CFAP210: variants seen among roughly 807,000 people sequenced by gnomAD.
CFAP210 encodes cilia and flagella associated protein 210, also known as cilia- and flagella- associated protein 210.
At chr2:169,654,141 CTCATCTTT>C in the CFAP210 span, 2 of 1,602,558 alleles carry the variant, frequency 1.2e-6, no homozygotes, top group African/African-American at 2.7e-5. Context: ...GATGAATTTT[CTCATCTTT>C]TCATCTTCTT....
At chr2:169,662,302 T>G in the CFAP210 span, 1 of 1,599,726 alleles carries the variant, frequency 6.3e-7, no homozygotes, top group Non-Finnish European at 8.5e-7. Flanking sequence ...CCTGCTTTCA[T>G]GCATCTCTTC....
At chr2:169,650,631 C>T in the CFAP210 span, 1 of 1,301,644 alleles carries the variant, frequency 7.7e-7, no homozygotes, top group Non-Finnish European at 9.9e-7. Flanking sequence ...ACAAAACTAA[C>T]AGGAGCCCCA....
chr2:169,646,468 T>G, the CFAP210 span, among the ~76,000 whole-genome samples: 1 of 152,184 alleles, frequency 6.6e-6, no homozygotes, highest in Non-Finnish European at 1.5e-5. Flanking sequence ...TAACTGAGTT[T>G]AGAGTCCTGT....
the CFAP210 span, among the ~76,000 whole-genome samples, chr2:169,659,473 G>A: frequency 2.6e-5 from 4 of 152,184 alleles, no homozygotes; most frequent in Admixed American, 2.6e-4. Flanking sequence ...AAGACAGAGA[G>A]AGTGTGAAGG....
At chr2:169,674,564 A>G in the CFAP210 span, 1 of 1,555,736 alleles carries the variant, frequency 6.4e-7, no homozygotes, top group African/African-American at 1.4e-5. Flanking sequence ...AAGGTATTTT[A>G]TGTATACATA....
chr2:169,660,686 C>T, the CFAP210 span, among the ~76,000 whole-genome samples: 2 of 151,560 alleles, frequency 1.3e-5, no homozygotes, highest in Non-Finnish European at 2.9e-5. Flanking sequence ...TCACTGCAAC[C>T]TCCACTTAGG....
At chr2:169,667,100 G>A in the CFAP210 span, among the ~76,000 whole-genome samples, 3 of 148,884 alleles carry the variant, frequency 2.0e-5, no homozygotes, top group Non-Finnish European at 4.5e-5. Context: ...TATTAATGTT[G>A]ATATTTTAAC....
the CFAP210 span, chr2:169,674,540 G>A: frequency 3.9e-5 from 58 of 1,478,062 alleles, no homozygotes; most frequent in Middle Eastern, 1.8e-4. Flanking sequence ...ATGAGAAAAC[G>A]AGAAAGGTAC....
At chr2:169,667,176 T>C in the CFAP210 span, among the ~76,000 whole-genome samples, 17 of 149,706 alleles carry the variant, frequency 1.1e-4, no homozygotes, top group Non-Finnish European at 2.5e-4. Flanking sequence ...TTCACTCTTG[T>C]TGCCCAGGCT....
At chr2:169,674,499 C>T in the CFAP210 span, 1 of 1,252,078 alleles carries the variant, frequency 8.0e-7, no homozygotes, top group African/African-American at 1.5e-5. Flanking sequence ...GCATGTATTA[C>T]TTTTATAATT....
chr2:169,662,429 C>A, the CFAP210 span: 1 of 1,578,482 alleles, frequency 6.3e-7, no homozygotes, highest in South Asian at 1.2e-5. Context: ...TCCTCATGTT[C>A]CTTTATTCTA....
chr2:169,687,035 G>A, the CFAP210 span, among the ~76,000 whole-genome samples: 7 of 152,122 alleles, frequency 4.6e-5, no homozygotes, highest in East Asian at 1.9e-4. Flanking sequence ...AAGCAAAAGC[G>A]GAAGTCCCTG....
chr2:169,677,397 T>C, the CFAP210 span, among the ~76,000 whole-genome samples: 1 of 152,194 alleles, frequency 6.6e-6, no homozygotes, highest in Non-Finnish European at 1.5e-5. Flanking sequence ...GCAAGCTTGG[T>C]TGAATATTTA....
chr2:169,675,404 C>A, the CFAP210 span, among the ~76,000 whole-genome samples: 1 of 152,278 alleles, frequency 6.6e-6, no homozygotes, highest in Admixed American at 6.5e-5. Flanking sequence ...GGCATCTGCT[C>A]AGCTTCTGGA....
the CFAP210 span, among the ~76,000 whole-genome samples, chr2:169,682,091 C>T: frequency 1.9e-4 from 29 of 152,034 alleles, no homozygotes; most frequent in Non-Finnish European, 3.1e-4. Flanking sequence ...TTGGGTGTTC[C>T]GTTATATGAA....
At chr2:169,678,322 C>G in the CFAP210 span, among the ~76,000 whole-genome samples, 1 of 87,780 alleles carries the variant, frequency 1.1e-5, no homozygotes, top group Non-Finnish European at 2.1e-5. Context: ...GCCTGGGCAA[C>G]AAGAGCGAAA....
chr2:169,650,237 T>G, the CFAP210 span: 4 of 1,277,494 alleles, frequency 3.1e-6, no homozygotes, highest in Non-Finnish European at 4.1e-6. Context: ...TCTTGGCTAG[T>G]TTTTGGTTAG....
At chr2:169,650,637 C>G in the CFAP210 span, 1 of 1,226,812 alleles carries the variant, frequency 8.2e-7, no homozygotes, top group Non-Finnish European at 1.1e-6. Context: ...CTAACAGGAG[C>G]CCCATTGCTC....
chr2:169,693,028 G>A, the CFAP210 span, among the ~76,000 whole-genome samples: 1 of 152,184 alleles, frequency 6.6e-6, no homozygotes, highest in African/African-American at 2.4e-5. Context: ...AATTTCCAGA[G>A]TTCTGAAAAA....
Sources: allele counts gnomAD v4.1 joint callset (sites outside exome capture counted in the v4.1 genomes callset), GRCh38; gene constraint gnomAD v4.1.1; transcripts MANE v1.5; gene names NCBI Gene and HGNC (gene_info 2026-07-23, HGNC 2026-07-21).